Variants in ZNF451 observed in about 807,000 individuals in gnomAD.
The protein encoded by ZNF451 is zinc finger protein 451, also known as E3 SUMO-protein ligase ZNF451.
ZNF451 carries 80 observed loss-of-function variants against 107.1 expected under a neutral mutation model. The observed-to-expected ratio is 0.75, with a 90% CI of 0.62 to 0.90. ZNF451 has a LOEUF of 0.90. Among genes scored for constraint, ZNF451 ranks in the 40% least tolerant of loss-of-function variants. ZNF451 has a pLI of 0.00. For synonymous variants in ZNF451, 362 were observed against 406.5 expected (o/e 0.89, Z 1.32); for missense variants, 1,107 against 1,236.2 (o/e 0.90, Z 1.57).
chr6:57,095,538 GT>G (rs1829253940), intron 2 of ZNF451, among the ~76,000 whole-genome samples: 1 of 151,850 alleles, frequency 6.6e-6, no homozygotes, highest in Non-Finnish European at 1.5e-5. Context: ...TCACTGTTCT[GT>G]CCAGGATGGT....
At chr6:57,140,650 GA>G (rs202043925) in intron 7 of ZNF451, among the ~76,000 whole-genome samples, 2 of 149,566 alleles carry the variant, frequency 1.3e-5, no homozygotes, top group Admixed American at 6.7e-5. Flanking sequence ...TTTCTAGTGG[GA>G]AAAAAAAACC....
chr6:57,104,655 T>G (rs1829762511), intron 3 of ZNF451: 1 of 985,190 alleles, frequency 1.0e-6, no homozygotes. Context: ...AACCATTTTT[T>G]AAGCGTATGG....
chr6:57,093,027 G>T (rs1829124123), intron 2 of ZNF451: 16 of 152,196 alleles, frequency 1.1e-4, no homozygotes, highest in Admixed American at 1.0e-3. Context: ...ACAGAATGCT[G>T]CCATAACAAA....
At chr6:57,099,428 T>C (rs933621949) in intron 3 of ZNF451, 2 of 714,694 alleles carry the variant, frequency 2.8e-6, no homozygotes, top group African/African-American at 1.8e-5. Flanking sequence ...TGCAAGCTTA[T>C]TGATTCCTCT....
At chr6:57,093,700 GTAGT>G (rs1283133153) in intron 2 of ZNF451, among the ~76,000 whole-genome samples, 2 of 152,212 alleles carry the variant, frequency 1.3e-5, no homozygotes, top group African/African-American at 4.8e-5. Flanking sequence ...GTAATAAGTA[GTAGT>G]TAGGATTTAT....
intron 3 of ZNF451, among the ~76,000 whole-genome samples, chr6:57,120,754 T>C (rs1830601263): frequency 6.6e-6 from 1 of 152,238 alleles, no homozygotes; most frequent in Admixed American, 6.5e-5. Flanking sequence ...TTTCTTATTG[T>C]TCAGTGTTGA....
intron 3 of ZNF451, among the ~76,000 whole-genome samples, chr6:57,120,371 C>A (rs764021222): frequency 6.6e-6 from 1 of 152,216 alleles, no homozygotes; most frequent in Non-Finnish European, 1.5e-5. Context: ...GATACAGTTG[C>A]TGTAAACAGC....
At chr6:57,107,070 C>T (rs1352701332) in intron 3 of ZNF451, 1 of 983,648 alleles carries the variant, frequency 1.0e-6, no homozygotes, top group East Asian at 1.1e-4. Context: ...GAAAACTTTA[C>T]TAGTGTTTGG....
intron 7 of ZNF451, among the ~76,000 whole-genome samples, chr6:57,138,763 GTGTGTGTGTGTGTA>G (rs1831592845): frequency 3.1e-5 from 4 of 127,292 alleles, no homozygotes; most frequent in Admixed American, 8.3e-5. Context: ...GTGTGTGTGT[GTGTGTGTGTGTGTA>G]TATATATATA....
rs182121389 is a variant in ZNF451 at position 57,107,194 on chromosome 6, A to G, written c.186+8053A>G. 64 of 985,270 alleles carry G rather than the reference A, an allele frequency of 6.5e-5. 1 individual carries two copies. In the African/African-American group the frequency reaches 1.1e-3, roughly 16 times the overall value. The allele number at this position is 985,270 out of a possible 1,614,324, so 61.0% of individuals were successfully genotyped here. A position where few individuals can be genotyped will look rare whatever the true frequency, so the allele number is the denominator to read the frequency against. ...ATGTTGTTAGCATATCAGTTATTCT[A>G]TGTATTGATCTTTTCTTCTCCTGTA... On this transcript the variant is annotated intron_variant, in intron 3 of 14. Transcript: ENST00000370706.
At chr6:57,160,185 T>C (rs1191808709) in intron 13 of ZNF451, among the ~76,000 whole-genome samples, 1 of 152,210 alleles carries the variant, frequency 6.6e-6, no homozygotes, top group Admixed American at 6.5e-5. Flanking sequence ...TAACATCTTA[T>C]GTTAGAGTGA....
At chr6:57,104,002 T>C (rs1829730031) in intron 3 of ZNF451, 1 of 985,280 alleles carries the variant, frequency 1.0e-6, no homozygotes, top group African/African-American at 1.7e-5. Context: ...GTTTGTCCTA[T>C]TTGTAGATTA....
chr6:57,129,376 G>A (rs924983638), intron 5 of ZNF451, among the ~76,000 whole-genome samples: 9 of 152,242 alleles, frequency 5.9e-5, no homozygotes, highest in Admixed American at 2.6e-4. Context: ...TTACTCCACC[G>A]GATAATTTGG....
At chr6:57,120,753 G>T (rs1431066064) in intron 3 of ZNF451, among the ~76,000 whole-genome samples, 1 of 152,038 alleles carries the variant, frequency 6.6e-6, no homozygotes, top group African/African-American at 2.4e-5. Context: ...TTTTCTTATT[G>T]TTCAGTGTTG....
chr6:57,158,920 C>G (rs1763549345), intron 13 of ZNF451: 28 of 985,328 alleles, frequency 2.8e-5, no homozygotes, highest in Non-Finnish European at 3.3e-5. Flanking sequence ...TTAAATCCAT[C>G]TTACATATAG....
intron 7 of ZNF451, among the ~76,000 whole-genome samples, chr6:57,137,867 C>T (rs1831509993): frequency 6.6e-6 from 1 of 152,158 alleles, no homozygotes; most frequent in Non-Finnish European, 1.5e-5. Context: ...GCCTTTGTGA[C>T]TAGATTGTTT....
intron 3 of ZNF451, chr6:57,117,006 T>C (rs1459154595): frequency 6.6e-6 from 1 of 152,072 alleles, no homozygotes; most frequent in African/African-American, 2.4e-5. Flanking sequence ...AATTCTAAGA[T>C]GCCTTTTGTT....
intron 3 of ZNF451, chr6:57,101,792 C>T: frequency 6.4e-7 from 1 of 1,550,516 alleles, no homozygotes; most frequent in Non-Finnish European, 8.7e-7. Context: ...AGACGGCAGG[C>T]CTGGCTTCGA....
chr6:57,110,680 G>A (rs541303347), intron 3 of ZNF451, among the ~76,000 whole-genome samples: 1 of 152,150 alleles, frequency 6.6e-6, no homozygotes, highest in South Asian at 2.1e-4. Flanking sequence ...GTGGACTTGG[G>A]GAAAATAAAG....
Sources: gnomAD v4.1 joint callset for allele counts (sites outside exome capture counted in the v4.1 genomes callset) on GRCh38, gnomAD v4.1.1 for gene constraint, MANE v1.5 for transcripts, NCBI Gene and HGNC (gene_info 2026-07-23, HGNC 2026-07-21) for gene names.